Variants in RB1 observed in about 807,000 individuals in gnomAD.
The protein encoded by RB1 is retinoblastoma-associated protein.
RB1 carries 18 observed loss-of-function variants against 135.4 expected under a neutral mutation model. The observed-to-expected ratio is 0.13, with a 90% CI of 0.09 to 0.20. The LOEUF (loss-of-function observed/expected upper bound fraction) is 0.20, where lower values mean the gene tolerates loss of function less well. Among genes scored for constraint, RB1 ranks in the 10% least tolerant of loss-of-function variants. The pLI is 1.00. For missense variants in RB1, 868 were observed against 1,110.0 expected, an observed-to-expected ratio of 0.78 and a Z score of 3.10; for synonymous variants, 365 against 373.2, an observed-to-expected ratio of 0.98 and a Z score of 0.25.
rs749023632 is a variant in RB1 at position 48,367,502 on chromosome 13, T to C, written c.948T>C (p.Asn316=). The change falls in exon 10 of 27, where the codon AAT becomes AAC. Residue 316 remains asparagine, a synonymous_variant. Coordinates refer to ENST00000267163, the MANE Select transcript of RB1 (RefSeq NM_000321.3). Reference sequence around the variant, plus strand: ...GACTTTTTTCTTTCAAGGTTGAAAATCTTTCTAAACGATACGAAGAAATTT... The same window carrying C: ...GACTTTTTTCTTTCAAGGTTGAAAACCTTTCTAAACGATACGAAGAAATTT... ...VTSNGLPEVE[N]LSKRYEEIYL... 2.5e-6 allele frequency: 4 copies of C among 1,603,368 alleles called. No homozygotes were observed. The highest frequency in any genetic ancestry group is 3.4e-6 in the Non-Finnish European group (4 of 1,173,728).
rs2138116265 is a variant in RB1 at position 48,364,893 on chromosome 13, G to A, written c.862-1G>A. ...TCATGTTGTAACTTCATCTTTTTCA[G>A]GTGAAAAATGTTTATTTCAAAAATT... On this transcript the variant is annotated splice_acceptor_variant, in intron 8 of 26. Coordinates refer to ENST00000267163, the MANE Select transcript of RB1 (RefSeq NM_000321.3). LOFTEE classifies it high-confidence loss of function. 1 of 1,550,940 alleles carries A rather than the reference G, an allele frequency of 6.4e-7. No homozygotes were observed.
chr13:48,342,329 G>A (rs1199173190), intron 2 of RB1, among the ~76,000 whole-genome samples: 2 of 151,698 alleles, frequency 1.3e-5, no homozygotes, highest in Non-Finnish European at 2.9e-5. Context: ...GGAATTGACT[G>A]ACCCCTAAAG....
At chr13:48,346,274 C>T (rs755223204) in intron 4 of RB1, among the ~76,000 whole-genome samples, 6 of 150,988 alleles carry the variant, frequency 4.0e-5, no homozygotes, top group African/African-American at 9.7e-5. Context: ...AAATATGAAT[C>T]GACCAAAATG....
intron 8 of RB1, 29 bp from the exon 9 acceptor site, chr13:48,364,865 T>A (rs369036872): frequency 1.0e-5 from 16 of 1,544,456 alleles, no homozygotes; most frequent in Non-Finnish European, 1.4e-5. Context: ...TAAATTTTAA[T>A]GATCATGTTG....
chr13:48,452,013 A>G (rs1449979215), intron 17 of RB1, among the ~76,000 whole-genome samples: 2 of 151,442 alleles, frequency 1.3e-5, no homozygotes, highest in African/African-American at 4.9e-5. Flanking sequence ...TTCCTTCTAT[A>G]TTAGTCTAGC....
chr13:48,358,794 T>C (rs375265694), intron 6 of RB1, among the ~76,000 whole-genome samples: 182 of 152,238 alleles, frequency 1.2e-3, no homozygotes, highest in African/African-American at 4.0e-3. Context: ...CATTTGATAT[T>C]GGTACCAGCA....
At chr13:48,467,247 C>T (rs952194691) in intron 23 of RB1, among the ~76,000 whole-genome samples, 22 of 125,058 alleles carry the variant, frequency 1.8e-4, no homozygotes, top group Non-Finnish European at 1.9e-4. Context: ...GAGTGGGGGC[C>T]AATATTCAAC....
chr13:48,414,776 A>C (rs571603087), intron 17 of RB1, among the ~76,000 whole-genome samples: 1 of 152,354 alleles, frequency 6.6e-6, no homozygotes, highest in South Asian at 2.1e-4. Context: ...ATCTATTATC[A>C]AATGACAAAA....
chr13:48,327,183 T>TA (rs979024849), intron 2 of RB1, among the ~76,000 whole-genome samples: 2 of 48,970 alleles, frequency 4.1e-5, no homozygotes, highest in Non-Finnish European at 2.2e-4. Flanking sequence ...CAATGTTAAA[T>TA]TTTTTTTTTT....
chr13:48,405,923 C>T (rs980061032), intron 17 of RB1, among the ~76,000 whole-genome samples: 8 of 152,008 alleles, frequency 5.3e-5, no homozygotes, highest in African/African-American at 1.9e-4. Flanking sequence ...TTTCATTTAA[C>T]ACTACCTTCT....
intron 2 of RB1, among the ~76,000 whole-genome samples, chr13:48,310,465 C>G (rs1232283612): frequency 1.3e-5 from 2 of 152,206 alleles, no homozygotes; most frequent in Middle Eastern, 3.4e-3. Flanking sequence ...AATTTTCAAG[C>G]CTTAGTTTTC....
At chr13:48,443,341 GC>G (rs1949256341) in intron 17 of RB1, among the ~76,000 whole-genome samples, 1 of 151,816 alleles carries the variant, frequency 6.6e-6, no homozygotes, top group African/African-American at 2.4e-5. Context: ...ATTCTAGGAA[GC>G]TTCTCTATTC....
intron 3 of RB1, 137 bp from the exon 4 acceptor site, chr13:48,344,943 A>T: frequency 9.2e-7 from 1 of 1,089,292 alleles, no homozygotes; most frequent in Non-Finnish European, 1.3e-6. Context: ...TGCAAAAAGT[A>T]ATTCCTTCCA....
At chr13:48,453,656 A>G (rs966430700) in intron 18 of RB1, among the ~76,000 whole-genome samples, 7 of 152,238 alleles carry the variant, frequency 4.6e-5, no homozygotes, top group African/African-American at 9.6e-5. Context: ...GCCAAAGTTA[A>G]GGACGTGCCC....
At position 48,319,428 on chromosome 13, in the gene RB1, G is replaced by A; in HGVS notation, c.264+12022G>A. 1 of 369,896 alleles carries A rather than the reference G, an allele frequency of 2.7e-6. No homozygotes were observed. The highest frequency in any genetic ancestry group is 2.7e-5 in the South Asian group (1 of 37,128). 22.9% of individuals were successfully genotyped at this position (369,896 alleles called of 1,614,324 possible). ...GGAGTCTGACGCCTCGGGCGCCTGC[G>A]CCGCACTTGTGACTTGCTTTCCCCT... On this transcript the variant is annotated intron_variant, in intron 2 of 26. Coordinates refer to ENST00000267163, the MANE Select transcript of RB1 (RefSeq NM_000321.3). The surrounding 1 kb of genome is among the most constrained non-coding windows in gnomAD (Gnocchi z 5.0).
intron 18 of RB1, among the ~76,000 whole-genome samples, chr13:48,453,517 T>C (rs1949341691): frequency 6.6e-6 from 1 of 152,092 alleles, no homozygotes; most frequent in Admixed American, 6.6e-5. Context: ...ATAGGATAAG[T>C]GTAGGGAGAA....
intron 17 of RB1, among the ~76,000 whole-genome samples, chr13:48,451,612 A>C (rs898911256): frequency 1.3e-5 from 2 of 152,148 alleles, no homozygotes; most frequent in African/African-American, 4.8e-5. Flanking sequence ...AGGTTTTGCT[A>C]TCAGGATGAT....
At chr13:48,376,849 T>C (rs1171866138) in intron 12 of RB1, 69 bp from the exon 13 acceptor site, 6 of 1,604,624 alleles carry the variant, frequency 3.7e-6, no homozygotes, top group Non-Finnish European at 4.2e-6. Context: ...TCATATATTA[T>C]GGAGCAGAAA....
intron 17 of RB1, among the ~76,000 whole-genome samples, chr13:48,449,424 C>G (rs896077829): frequency 1.3e-5 from 2 of 152,150 alleles, no homozygotes; most frequent in African/African-American, 4.8e-5. Context: ...CTGCCACATC[C>G]TTTTGGTGGG....
Sources: gnomAD v4.1 joint callset for allele counts (sites outside exome capture counted in the v4.1 genomes callset) on GRCh38, gnomAD v4.1.1 for gene constraint, Gnocchi (gnomAD v3.1) non-coding constraint, MANE v1.5 for transcripts, NCBI Gene and HGNC (gene_info 2026-07-23, HGNC 2026-07-21) for gene names.